GPC6: variants seen among roughly 807,000 people sequenced by gnomAD.
The protein encoded by GPC6 is glypican-6.
Under a neutral mutation model 55.2 loss-of-function variants are expected in GPC6, and 14 were observed. That is an observed-to-expected ratio of 0.25 (90% confidence interval 0.17 to 0.40). The LOEUF (loss-of-function observed/expected upper bound fraction) is 0.40, where lower values mean the gene tolerates loss of function less well. Among genes scored for constraint, GPC6 ranks in the 10% least tolerant of loss-of-function variants. GPC6 has a pLI of 1.00. For synonymous variants in GPC6, 278 were observed against 259.6 expected (o/e 1.07, Z -0.68); for missense variants, 641 against 708.5 (o/e 0.90, Z 1.08).
At position 93,583,065 on chromosome 13, in the gene GPC6, T is replaced by C. The variant is rs144999295; in HGVS notation, c.319+37644T>C. ...ACAGGTGATTTACTTTATTGATCAG[T>C]GAAGAGCACCCCAGATAGCTAAATG... On this transcript the variant is annotated intron_variant, in intron 2 of 8. Coordinates refer to ENST00000377047, the MANE Select transcript of GPC6 (RefSeq NM_005708.5). Among the ~76,000 whole-genome samples the C allele has an allele frequency of 2.4e-3, 371 of 152,332 alleles. 2 individuals are homozygous for C. Among genetic ancestry groups the C allele is most frequent in the African/African-American group, 8.2e-3 (340 of 41,574 alleles).
chr13:94,252,784 G>A (rs867047028), intron 4 of GPC6, among the ~76,000 whole-genome samples: 127 of 152,022 alleles, frequency 8.4e-4, no homozygotes, highest in African/African-American at 3.0e-3. Flanking sequence ...TAAATGATAG[G>A]GCAAGTGTAA....
At chr13:93,490,722 A>C in intron 1 of GPC6, among the ~76,000 whole-genome samples, 1 of 109,926 alleles carries the variant, frequency 9.1e-6, no homozygotes, top group Admixed American at 1.1e-4. Flanking sequence ...TCCTGTGTCC[A>C]TGTGATCTGA....
chr13:94,190,961 A>T (rs1040812856), intron 4 of GPC6, among the ~76,000 whole-genome samples: 2 of 152,124 alleles, frequency 1.3e-5, no homozygotes, highest in African/African-American at 4.8e-5. Context: ...TATATATATA[A>T]GAGAGAGAGT....
intron 2 of GPC6, among the ~76,000 whole-genome samples, chr13:93,727,032 A>T (rs1883669313): frequency 6.6e-6 from 1 of 152,080 alleles, no homozygotes; most frequent in Non-Finnish European, 1.5e-5. Flanking sequence ...TTTTATGCAT[A>T]ATTGAATATT....
chr13:94,175,610 A>G (rs1359837323), intron 4 of GPC6, among the ~76,000 whole-genome samples: 1 of 152,052 alleles, frequency 6.6e-6, no homozygotes, highest in Non-Finnish European at 1.5e-5. Context: ...GAACCAATTT[A>G]TACTCCCAGC....
chr13:94,057,878 G>A (rs1385448272), intron 4 of GPC6, among the ~76,000 whole-genome samples: 1 of 152,114 alleles, frequency 6.6e-6, no homozygotes, highest in Non-Finnish European at 1.5e-5. Flanking sequence ...ATTTAAAAAG[G>A]AAACATGCTG....
intron 4 of GPC6, among the ~76,000 whole-genome samples, chr13:94,036,132 G>A (rs74332490): frequency 0.033 from 5,017 of 152,088 alleles, 116 homozygotes; most frequent in Non-Finnish European, 0.055. Context: ...ATTAATGGAA[G>A]TAATTTAAGC....
intron 1 of GPC6, among the ~76,000 whole-genome samples, chr13:93,338,854 A>G (rs1031636553): frequency 6.6e-6 from 1 of 152,120 alleles, no homozygotes; most frequent in African/African-American, 2.4e-5. Context: ...GGAATGGGCT[A>G]CCTCCATCTT....
intron 3 of GPC6, among the ~76,000 whole-genome samples, chr13:93,995,001 A>T (rs1207632625): frequency 6.6e-6 from 1 of 152,052 alleles, no homozygotes; most frequent in Non-Finnish European, 1.5e-5. Context: ...TATCTTCTAT[A>T]TACCTGTTTT....
intron 2 of GPC6, among the ~76,000 whole-genome samples, chr13:93,741,346 A>C (rs917138351): frequency 6.6e-6 from 1 of 151,928 alleles, no homozygotes; most frequent in Non-Finnish European, 1.5e-5. Context: ...CGATCTCCTG[A>C]CCTCGTGATC....
At chr13:93,853,091 C>T (rs887478058) in intron 3 of GPC6, among the ~76,000 whole-genome samples, 1 of 151,662 alleles carries the variant, frequency 6.6e-6, no homozygotes, top group African/African-American at 2.4e-5. Context: ...ATTTCCTCTT[C>T]TGACATTGTC....
chr13:93,853,157 T>A (rs1888469735), intron 3 of GPC6, among the ~76,000 whole-genome samples: 1 of 151,660 alleles, frequency 6.6e-6, no homozygotes, highest in South Asian at 2.1e-4. Context: ...AATACTCTAA[T>A]TAAATGGTGG....
chr13:93,962,026 C>T (rs962965276), intron 3 of GPC6, among the ~76,000 whole-genome samples: 15 of 152,128 alleles, frequency 9.9e-5, no homozygotes, highest in Non-Finnish European at 1.9e-4. Context: ...CTAGTCCTCA[C>T]AACAGCCCAT....
chr13:94,006,911 T>C (rs1416376849), intron 3 of GPC6, among the ~76,000 whole-genome samples: 4 of 152,214 alleles, frequency 2.6e-5, no homozygotes, highest in Non-Finnish European at 5.9e-5. Flanking sequence ...TTATTTACTC[T>C]TTATGTTGGC....
At chr13:93,590,993 A>C (rs1178989891) in intron 2 of GPC6, among the ~76,000 whole-genome samples, 2 of 152,272 alleles carry the variant, frequency 1.3e-5, no homozygotes, top group African/African-American at 2.4e-5. Flanking sequence ...TAATAATAAA[A>C]AAAAAAGGAT....
intron 4 of GPC6, among the ~76,000 whole-genome samples, chr13:94,033,205 C>G (rs528467667): frequency 2.1e-4 from 32 of 152,006 alleles, no homozygotes; most frequent in Non-Finnish European, 2.5e-4. Context: ...ATCACATATC[C>G]CTGTTGTTAA....
chr13:94,022,234 C>T (rs1882724435), intron 3 of GPC6, among the ~76,000 whole-genome samples: 1 of 151,966 alleles, frequency 6.6e-6, no homozygotes, highest in Non-Finnish European at 1.5e-5. Flanking sequence ...TTATATATCC[C>T]CATTTCCTGA....
At chr13:93,246,127 T>C (rs948131135) in intron 1 of GPC6, among the ~76,000 whole-genome samples, 3 of 152,184 alleles carry the variant, frequency 2.0e-5, no homozygotes, top group Non-Finnish European at 4.4e-5. Flanking sequence ...TATCCTAGCC[T>C]CTCAGGCACA....
intron 1 of GPC6, among the ~76,000 whole-genome samples, chr13:93,260,284 G>A (rs116638662): frequency 2.6e-3 from 403 of 152,098 alleles, no homozygotes; most frequent in African/African-American, 9.4e-3. Context: ...AGGGTTCAGT[G>A]TTTTTAGTTT....
Sources: allele counts gnomAD v4.1 joint callset (sites outside exome capture counted in the v4.1 genomes callset), GRCh38; gene constraint gnomAD v4.1.1; transcripts MANE v1.5; gene names NCBI Gene and HGNC (gene_info 2026-07-23, HGNC 2026-07-21).